ACP3: variants seen among roughly 807,000 people sequenced by gnomAD.
ACP3 encodes acid phosphatase 3.
A neutral mutation model predicts 45.6 loss-of-function variants in ACP3; 38 were observed. That is an observed-to-expected ratio of 0.83 (90% CI 0.64 to 1.09). The LOEUF (loss-of-function observed/expected upper bound fraction) is 1.09, where lower values mean the gene tolerates loss of function less well. Among genes scored for constraint, ACP3 ranks in the 50% least tolerant of loss-of-function variants. The pLI is 0.00. For synonymous variants in ACP3, 162 were observed against 164.7 expected (o/e 0.98, Z 0.13); for missense variants, 466 against 463.2 (o/e 1.01, Z -0.05).
intron 10 of ACP3, among the ~76,000 whole-genome samples, chr3:132,363,932 A>T (rs773933711): frequency 5.3e-5 from 8 of 152,108 alleles, no homozygotes; most frequent in South Asian, 2.1e-4. Context: ...GTGAAACTCC[A>T]TCTCAAAAAA....
chr3:132,333,060 T>TA lies in ACP3; in HGVS notation c.456+724dup, dbSNP rs998121036. Among the ~76,000 whole-genome samples, 446 of 152,172 alleles carry TA rather than the reference T, an allele frequency of 2.9e-3. 2 individuals are homozygous for TA. Among genetic ancestry groups the TA allele is most frequent in the African/African-American group, 8.8e-3 (367 of 41,518 alleles). ...TGCATATTAGGATCACGTGGTTTTT[T>TA]AAAAAAAATCCTGATGCCCAGGGCA... On this transcript the variant is annotated intron_variant, in intron 4 of 9. Transcript: ENST00000336375.
chr3:132,362,121 C>CT (rs201221273), downstream of ACP3, among the ~76,000 whole-genome samples: 78 of 149,406 alleles, frequency 5.2e-4, no homozygotes, highest in East Asian at 6.4e-3. Flanking sequence ...TCTGTCATCT[C>CT]TTTTTTTTTT....
In ACP3 at chr3:132,355,464, T is replaced by G. The variant is rs377213055; in HGVS notation, c.969-1222T>G. On this transcript the variant is annotated intron_variant, in intron 9 of 9. Transcript: ENST00000336375. ...ATTAGGGAGGTTTTTGTAAGTTTTA[T>G]AGACATCTTATTTTATTTTATCTTA... 7.0e-4 allele frequency among the ~76,000 whole-genome samples: 59 copies of G among 84,250 alleles called. 1 individual carries two copies. In the South Asian group the frequency reaches 0.023, roughly 32 times the overall value. The allele number at this position is 84,250 out of a possible 152,430, so 55.3% of individuals were successfully genotyped here.
chr3:132,328,400 T>G (rs1236886874), intron 2 of ACP3, 38 bp downstream of exon 2: 1 of 1,557,784 alleles, frequency 6.4e-7, no homozygotes. Flanking sequence ...TTGATGAAGC[T>G]GGGTGTGGTG....
chr3:132,322,827 G>A (rs111312398), intron 1 of ACP3, among the ~76,000 whole-genome samples: 2 of 152,174 alleles, frequency 1.3e-5, no homozygotes, highest in African/African-American at 2.4e-5. Flanking sequence ...TGGGCCATGG[G>A]GGCTCTACTC....
chr3:132,328,147 GAT>G, intron 1 of ACP3, 118 bp from the exon 2 acceptor site: 2 of 665,708 alleles, frequency 3.0e-6, no homozygotes, highest in South Asian at 2.1e-5. Flanking sequence ...CTCCTTACGT[GAT>G]TACAATGGGA....
At chr3:132,363,005 T>G (rs1011827642), downstream of ACP3, among the ~76,000 whole-genome samples, 8 of 152,368 alleles carry the variant, frequency 5.3e-5, no homozygotes, top group South Asian at 2.1e-4. Context: ...CAATTAATCA[T>G]GCTCTCTTTT....
intron 7 of ACP3, 151 bp from the exon 8 acceptor site, chr3:132,349,769 C>T (rs943987047): frequency 1.6e-6 from 1 of 615,348 alleles, no homozygotes; most frequent in Non-Finnish European, 2.9e-6. Context: ...CATTACCTAG[C>T]ACAGAGCAGA....
intron 4 of ACP3, chr3:132,332,630 G>A (rs904878228): frequency 1.9e-5 from 6 of 315,062 alleles, no homozygotes; most frequent in African/African-American, 6.4e-5. Flanking sequence ...GAGAGAGAGG[G>A]AGAGGGAGAT....
chr3:132,323,870 T>G (rs1303428171), intron 1 of ACP3, among the ~76,000 whole-genome samples: 2 of 152,210 alleles, frequency 1.3e-5, no homozygotes, highest in Non-Finnish European at 2.9e-5. Flanking sequence ...GAAACAAGAC[T>G]AGCCACATAC....
chr3:132,347,844 TACACACACAC>T (rs112045628), intron 7 of ACP3, among the ~76,000 whole-genome samples: 2 of 144,906 alleles, frequency 1.4e-5, no homozygotes, highest in Admixed American at 6.9e-5. Context: ...CACACACACA[TACACACACAC>T]ACACACACAC....
downstream of ACP3, among the ~76,000 whole-genome samples, chr3:132,360,432 C>A (rs1163108172): frequency 6.6e-6 from 1 of 151,994 alleles, no homozygotes; most frequent in Non-Finnish European, 1.5e-5. Context: ...ACTTTGCAAC[C>A]CTACTCCTTA....
intron 9 of ACP3, among the ~76,000 whole-genome samples, chr3:132,354,782 A>G (rs1273572113): frequency 1.3e-5 from 2 of 152,376 alleles, no homozygotes; most frequent in African/African-American, 4.8e-5. Context: ...TTAAAATCAT[A>G]GACTATATAA....
chr3:132,349,324 T>A (rs970215974), intron 7 of ACP3, among the ~76,000 whole-genome samples: 1 of 152,228 alleles, frequency 6.6e-6, no homozygotes, highest in African/African-American at 2.4e-5. Flanking sequence ...AGATGCTGGC[T>A]GTCCCCCCAA....
intron 4 of ACP3, among the ~76,000 whole-genome samples, chr3:132,337,063 GGTGTGTGTGTGTGTGTGTGT>G: frequency 6.9e-6 from 1 of 144,894 alleles, no homozygotes; most frequent in Non-Finnish European, 1.5e-5. Context: ...CATGCGTTGG[GGTGTGTGTGTGTGTGTGTGT>G]GTGTGTGTGT....
chr3:132,343,742 G>A (rs978813951), intron 6 of ACP3, among the ~76,000 whole-genome samples: 1 of 152,076 alleles, frequency 6.6e-6, no homozygotes, highest in African/African-American at 2.4e-5. Flanking sequence ...ATAAATATTG[G>A]CACAAGGTCT....
Position 132,355,845 on chromosome 3 carries a change from C to T in ACP3, c.969-841C>T, listed in dbSNP as rs73862391. Among the ~76,000 whole-genome samples the T allele has an allele frequency of 9.3e-3, 1,420 of 152,300 alleles. 19 individuals carry two copies. Among genetic ancestry groups the T allele is most frequent in the African/African-American group, 0.032 (1,320 of 41,566 alleles). ...AGACATAAGTGAATATTTGCTGTTA[C>T]TATGTTTATATGGCTTTTTAAAGTG... On this transcript the variant is annotated intron_variant, in intron 9 of 9. Coordinates refer to ENST00000336375, the MANE Select transcript of ACP3 (RefSeq NM_001099.5).
intron 5 of ACP3, among the ~76,000 whole-genome samples, chr3:132,339,464 AC>A (rs1427945797): frequency 3.2e-4 from 49 of 151,978 alleles, no homozygotes; most frequent in Non-Finnish European, 1.2e-4. Context: ...AAAACTGGCC[AC>A]CCCCAACCCG....
intron 1 of ACP3, among the ~76,000 whole-genome samples, chr3:132,325,410 C>T (rs1161484312): frequency 1.3e-5 from 2 of 152,180 alleles, no homozygotes; most frequent in African/African-American, 2.4e-5. Flanking sequence ...GCCCAAGTCT[C>T]ATGATTATGT....
Sources: gnomAD v4.1 joint callset for allele counts (sites outside exome capture counted in the v4.1 genomes callset) on GRCh38, gnomAD v4.1.1 for gene constraint, MANE v1.5 for transcripts, NCBI Gene and HGNC (gene_info 2026-07-23, HGNC 2026-07-21) for gene names.